The following GNAQ variants were observed in gnomAD, a reference collection of about 807,000 sequenced individuals.
The protein encoded by GNAQ is G protein subunit alpha q.
Under a neutral mutation model 43.9 loss-of-function variants are expected in GNAQ, and 8 were observed. The ratio of observed to expected loss-of-function variants is 0.18; its 90% CI spans 0.11 to 0.33. The LOEUF is 0.33. Among genes scored for constraint, GNAQ ranks in the 10% least tolerant of loss-of-function variants. The pLI, the probability that GNAQ is intolerant of heterozygous loss-of-function variation, is 1.00. For synonymous variants in GNAQ, 155 were observed against 170.7 expected, an observed-to-expected ratio of 0.91 and a Z score of 0.71; for missense variants, 158 against 450.8, an observed-to-expected ratio of 0.35 and a Z score of 5.88.
At chr9:77,768,386 C>T (rs992930371) in intron 5 of GNAQ, among the ~76,000 whole-genome samples, 3 of 152,084 alleles carry the variant, frequency 2.0e-5, no homozygotes. Flanking sequence ...GATAAATGCT[C>T]AATAAATATT....
intron 2 of GNAQ, among the ~76,000 whole-genome samples, chr9:77,849,197 A>G (rs1342027591): frequency 1.3e-5 from 2 of 152,204 alleles, no homozygotes; most frequent in East Asian, 1.9e-4. Flanking sequence ...GTGGAAGAGG[A>G]TAACTGATGA....
At chr9:77,878,355 T>C (rs958018108) in intron 2 of GNAQ, among the ~76,000 whole-genome samples, 3 of 151,632 alleles carry the variant, frequency 2.0e-5, no homozygotes, top group Admixed American at 6.6e-5. Context: ...AAGGATTGAA[T>C]TCAAAATAGC....
At chr9:77,994,641 C>A (rs977767977) in intron 1 of GNAQ, among the ~76,000 whole-genome samples, 1 of 152,204 alleles carries the variant, frequency 6.6e-6, no homozygotes, top group African/African-American at 2.4e-5. Flanking sequence ...CAAAGGTATT[C>A]TTTCTCCCTG....
intron 2 of GNAQ, among the ~76,000 whole-genome samples, chr9:77,850,199 C>G (rs1272528155): frequency 6.6e-6 from 1 of 152,218 alleles, no homozygotes; most frequent in Middle Eastern, 3.2e-3. Flanking sequence ...TTCCACTACC[C>G]CTCAGAAGCT....
chr9:77,800,952 T>C (rs995960669), intron 3 of GNAQ, among the ~76,000 whole-genome samples: 1 of 152,180 alleles, frequency 6.6e-6, no homozygotes, highest in Admixed American at 6.5e-5. Flanking sequence ...CAGAAATATA[T>C]TGCCTGATAA....
chr9:77,974,199 A>G (rs1257732535), intron 1 of GNAQ, among the ~76,000 whole-genome samples: 2 of 152,156 alleles, frequency 1.3e-5, no homozygotes, highest in Admixed American at 6.5e-5. Flanking sequence ...CAACAGAGCA[A>G]GTAAGCTGGA....
chr9:77,761,460 C>A (rs1309046537), intron 5 of GNAQ, among the ~76,000 whole-genome samples: 1 of 137,420 alleles, frequency 7.3e-6, no homozygotes, highest in African/African-American at 2.7e-5. Flanking sequence ...GGGGGGTCAG[C>A]CCCCCGCCTG....
chr9:77,956,311 A>G (rs916459936), intron 1 of GNAQ, among the ~76,000 whole-genome samples: 2 of 152,210 alleles, frequency 1.3e-5, no homozygotes, highest in African/African-American at 4.8e-5. Context: ...AACTACTAGA[A>G]AAACAATTCT....
chr9:77,952,782 A>G (rs927689110), intron 1 of GNAQ, among the ~76,000 whole-genome samples: 1 of 152,212 alleles, frequency 6.6e-6, no homozygotes, highest in African/African-American at 2.4e-5. Flanking sequence ...TTCATTGGTA[A>G]ATGTCTAAGA....
At chr9:77,787,728 T>C (rs914493671) in intron 5 of GNAQ, among the ~76,000 whole-genome samples, 10 of 152,292 alleles carry the variant, frequency 6.6e-5, no homozygotes, top group African/African-American at 2.4e-4. Flanking sequence ...TTGATCACAT[T>C]AAATTAAAAC....
At chr9:77,933,899 C>A (rs1276456435) in intron 1 of GNAQ, among the ~76,000 whole-genome samples, 1 of 152,102 alleles carries the variant, frequency 6.6e-6, no homozygotes, top group Non-Finnish European at 1.5e-5. Context: ...TTTAAAAATG[C>A]AGCGGCTGGG....
At chr9:77,772,125 T>G (rs935684265) in intron 5 of GNAQ, among the ~76,000 whole-genome samples, 2 of 152,232 alleles carry the variant, frequency 1.3e-5, no homozygotes, top group African/African-American at 2.4e-5. Flanking sequence ...ATGACCCATA[T>G]TAACAACTAT....
chr9:77,818,997 C>A (rs11145574), intron 2 of GNAQ, among the ~76,000 whole-genome samples: 2 of 66,044 alleles, frequency 3.0e-5, no homozygotes, highest in Admixed American at 2.6e-4. Context: ...GAAATACCAT[C>A]TCTCCAAAAA....
chr9:77,831,705 C>T (rs1387086253), intron 2 of GNAQ, among the ~76,000 whole-genome samples: 2 of 151,966 alleles, frequency 1.3e-5, no homozygotes, highest in East Asian at 1.9e-4. Flanking sequence ...GTAAAAATGC[C>T]CACGTGATAT....
intron 2 of GNAQ, among the ~76,000 whole-genome samples, chr9:77,914,589 G>A (rs1181461689): frequency 6.6e-6 from 1 of 152,120 alleles, no homozygotes; most frequent in African/African-American, 2.4e-5. Context: ...TTGAACCCAG[G>A]AGGCGGAGGT....
At chr9:77,791,628 C>T (rs1447324519) in intron 5 of GNAQ, among the ~76,000 whole-genome samples, 1 of 152,094 alleles carries the variant, frequency 6.6e-6, no homozygotes, top group East Asian at 1.9e-4. Flanking sequence ...TCTAGGCAGA[C>T]AAAAGCAGAC....
intron 1 of GNAQ, among the ~76,000 whole-genome samples, chr9:77,966,042 C>T (rs1157317730): frequency 6.6e-6 from 1 of 151,972 alleles, no homozygotes; most frequent in African/African-American, 2.4e-5. Context: ...ATAAATGAAT[C>T]TAAAAATGAC....
intron 2 of GNAQ, among the ~76,000 whole-genome samples, chr9:77,816,423 T>C (rs1827016808): frequency 6.6e-6 from 1 of 152,216 alleles, no homozygotes; most frequent in Non-Finnish European, 1.5e-5. Flanking sequence ...TATTCAATTT[T>C]TTAACAATGT....
chr9:77,835,811 T>C (rs112112917), intron 2 of GNAQ, among the ~76,000 whole-genome samples: 157 of 152,298 alleles, frequency 1.0e-3, no homozygotes, highest in African/African-American at 3.7e-3. Context: ...CTCATAACAA[T>C]ACAACAATAA....
Sources: gnomAD v4.1 joint callset for allele counts (sites outside exome capture counted in the v4.1 genomes callset) on GRCh38, gnomAD v4.1.1 for gene constraint, MANE v1.5 for transcripts, NCBI Gene and HGNC (gene_info 2026-07-23, HGNC 2026-07-21) for gene names.